BCAP29: variants seen among roughly 807,000 people sequenced by gnomAD.
BCAP29 encodes the protein B cell receptor associated protein 29.
In BCAP29, 34 loss-of-function variants were observed where a neutral mutation model predicts 31.8. The ratio of observed to expected loss-of-function variants is 1.07; its 90% CI spans 0.81 to 1.42. The LOEUF (loss-of-function observed/expected upper bound fraction) is 1.42, where lower values mean the gene tolerates loss of function less well. Ranked by LOEUF, BCAP29 falls within the 40% of genes most tolerant of loss-of-function variation. BCAP29 has a pLI of 0.00. For synonymous variants in BCAP29, 104 were observed against 91.3 expected, an observed-to-expected ratio of 1.14 and a Z score of -0.79; for missense variants, 314 against 269.2, an observed-to-expected ratio of 1.17 and a Z score of -1.16.
At chr7:107,601,759 A>C (rs1811223640) in intron 6 of BCAP29, among the ~76,000 whole-genome samples, 1 of 152,240 alleles carries the variant, frequency 6.6e-6, no homozygotes, top group African/African-American at 2.4e-5. Context: ...ATTCTTTTGA[A>C]GAATGAAACC....
In BCAP29 at chr7:107,601,525, T is replaced by C. The variant is rs1018498508; in HGVS notation, c.589+1020T>C. The stretch of plus-strand genomic sequence containing the variant: ...TAAGTTAAAAAATAAATTACCCTTA[T>C]AGACAAAGTGGTATATTATGTAGTT... On this transcript the variant is annotated intron_variant, in intron 6 of 7. Coordinates refer to ENST00000005259, the MANE Select transcript of BCAP29 (RefSeq NM_018844.4). Among the ~76,000 whole-genome samples the C allele has an allele frequency of 3.9e-5, 6 of 152,204 alleles. No individual in the cohort carries two copies. The East Asian group carries it at 1.2e-3, about 29-fold the overall frequency.
chr7:107,604,495 G>A (rs1370111517), intron 6 of BCAP29, among the ~76,000 whole-genome samples: 1 of 152,032 alleles, frequency 6.6e-6, no homozygotes, highest in African/African-American at 2.4e-5. Flanking sequence ...TCTTACAAAT[G>A]AACCATATAT....
At chr7:107,594,799 G>A (rs1809516036) in intron 4 of BCAP29, among the ~76,000 whole-genome samples, 1 of 152,150 alleles carries the variant, frequency 6.6e-6, no homozygotes, top group African/African-American at 2.4e-5. Flanking sequence ...AACGCGCCCG[G>A]CCTGTAGATT....
chr7:107,621,531 T>C (rs1479932154), downstream of BCAP29: 1 of 366,140 alleles, frequency 2.7e-6, no homozygotes, highest in Non-Finnish European at 5.5e-6. Flanking sequence ...TGTTCTCTTC[T>C]ATAGCAAAAG....
At chr7:107,608,329 G>A (rs1254151504) in intron 6 of BCAP29, among the ~76,000 whole-genome samples, 1 of 152,052 alleles carries the variant, frequency 6.6e-6, no homozygotes, top group East Asian at 1.9e-4. Context: ...TGGACTCATA[G>A]GTATTTATTT....
Position 107,618,588 on chromosome 7 carries a change from A to G in BCAP29, c.*225A>G. 1 of 1,584,482 alleles carries G rather than the reference A, an allele frequency of 6.3e-7. No individual in the cohort carries two copies. Among genetic ancestry groups the G allele is most frequent in the Non-Finnish European group, 8.6e-7 (1 of 1,158,202 alleles). On this transcript the variant is annotated 3_prime_UTR_variant, in exon 8 of 8. Coordinates refer to ENST00000005259, the MANE Select transcript of BCAP29 (RefSeq NM_018844.4). The stretch of plus-strand genomic sequence containing the variant: ...TAAGAAAAATATAAGCATGTTAAAT[A>G]CCATATTTACATATTGATAATGTCA...
intron 3 of BCAP29, among the ~76,000 whole-genome samples, chr7:107,586,947 C>G (rs1807813096): frequency 1.3e-5 from 2 of 151,870 alleles, no homozygotes; most frequent in South Asian, 2.1e-4. Flanking sequence ...CCAGGCTGGT[C>G]CCAAACTCCT....
At chr7:107,581,502 C>T (rs979888113) in intron 2 of BCAP29, among the ~76,000 whole-genome samples, 3 of 152,182 alleles carry the variant, frequency 2.0e-5, no homozygotes, top group African/African-American at 7.2e-5. Context: ...TCAAGCCAAG[C>T]AGTGGTTCAT....
intron 6 of BCAP29, among the ~76,000 whole-genome samples, chr7:107,609,788 C>T (rs957107198): frequency 2.0e-5 from 3 of 152,142 alleles, no homozygotes; most frequent in African/African-American, 7.2e-5. Flanking sequence ...CTGAATAGCT[C>T]CAGTGTATCA....
chr7:107,618,629 TGTTTACC>T lies in BCAP29; in HGVS notation c.*267_*273del. ...GATAATGTCATTGGTATATGGTGGC[TGTTTACC>T]AATAAAAGGAAAAAATTCATTAACC... On this transcript the variant is annotated 3_prime_UTR_variant, in exon 8 of 8. Transcript: ENST00000005259. 1 of 1,480,480 alleles carries T rather than the reference TGTTTACC, an allele frequency of 6.8e-7. No homozygotes were observed. Among genetic ancestry groups the T allele is most frequent in the Non-Finnish European group, 9.1e-7 (1 of 1,102,382 alleles). The allele number at this position is 1,480,480 out of a possible 1,614,324, so 91.7% of individuals were successfully genotyped here.
chr7:107,623,060 C>G (rs1489443710), downstream of BCAP29: 1 of 151,988 alleles, frequency 6.6e-6, no homozygotes, highest in African/African-American at 2.4e-5. Flanking sequence ...TGTCCTGCTG[C>G]TTGAAACATA....
chr7:107,585,719 G>A (rs977670870), intron 3 of BCAP29, among the ~76,000 whole-genome samples: 3 of 152,180 alleles, frequency 2.0e-5, no homozygotes, highest in African/African-American at 7.2e-5. Flanking sequence ...GCCGGGCGCG[G>A]CGGCTCACCT....
intron 3 of BCAP29, among the ~76,000 whole-genome samples, chr7:107,588,885 G>C (rs781143227): frequency 1.8e-4 from 28 of 152,134 alleles, no homozygotes; most frequent in Non-Finnish European, 3.1e-4. Context: ...TCAATGAAAA[G>C]GAACAGCCAG....
intron 7 of BCAP29, chr7:107,613,730 A>C: frequency 6.2e-7 from 1 of 1,612,610 alleles, no homozygotes; most frequent in East Asian, 2.2e-5. Context: ...GGTTCTAGAA[A>C]AGGTGAGTTT....
At chr7:107,617,384 C>G (rs1814376894) in intron 7 of BCAP29, among the ~76,000 whole-genome samples, 1 of 152,040 alleles carries the variant, frequency 6.6e-6, no homozygotes, top group Non-Finnish European at 1.5e-5. Flanking sequence ...CCATCTGGTC[C>G]CCTCCCTGTT....
chr7:107,581,216 A>G (rs1298620722), intron 2 of BCAP29, among the ~76,000 whole-genome samples: 1 of 152,202 alleles, frequency 6.6e-6, no homozygotes, highest in Non-Finnish European at 1.5e-5. Flanking sequence ...AAATAAATAT[A>G]AGTGGATAAA....
Position 107,618,660 on chromosome 7 carries a change from C to T in BCAP29, c.*297C>T. The stretch of plus-strand genomic sequence containing the variant: ...CCAATAAAAGGAAAAAATTCATTAA[C>T]CGGTTGCTTCCAAAATTAGAAGTTT... On this transcript the variant is annotated 3_prime_UTR_variant, in exon 8 of 8. Transcript: ENST00000005259. The T allele has an allele frequency of 7.5e-7, 1 of 1,341,018 alleles. No homozygotes were observed. Among genetic ancestry groups the T allele is most frequent in the South Asian group, 1.6e-5 (1 of 61,486 alleles). 83.1% of individuals were successfully genotyped at this position (1,341,018 alleles called of 1,614,324 possible). A position where few individuals can be genotyped will look rare whatever the true frequency, so the allele number is the denominator to read the frequency against.
At chr7:107,580,889 T>G in intron 2 of BCAP29, 25 bp downstream of exon 2, 1 of 1,495,424 alleles carries the variant, frequency 6.7e-7, no homozygotes, top group Non-Finnish European at 9.1e-7. Flanking sequence ...AATCGTTAAC[T>G]AATAAATATT....
chr7:107,587,275 C>T (rs182774930), intron 3 of BCAP29: 1 of 152,300 alleles, frequency 6.6e-6, no homozygotes, highest in East Asian at 1.9e-4. Context: ...TATGTCACAT[C>T]CTTCCCTTAT....
Sources: gnomAD v4.1 joint callset for allele counts (sites outside exome capture counted in the v4.1 genomes callset) on GRCh38, gnomAD v4.1.1 for gene constraint, MANE v1.5 for transcripts, NCBI Gene and HGNC (gene_info 2026-07-23, HGNC 2026-07-21) for gene names.